The following ZFHX3 variants were observed in gnomAD, a reference collection of about 807,000 sequenced individuals.
The protein encoded by ZFHX3 is zinc finger homeobox 3.
ZFHX3 carries 42 observed loss-of-function variants against 279.1 expected under a neutral mutation model. That is an observed-to-expected ratio of 0.15 (90% CI 0.12 to 0.19). The LOEUF (loss-of-function observed/expected upper bound fraction) is 0.19, where lower values mean the gene tolerates loss of function less well. Among genes scored for constraint, ZFHX3 ranks in the 10% least tolerant of loss-of-function variants. The probability of loss-of-function intolerance (pLI) is 1.00; values close to 1 mark genes in which losing one functional copy is unlikely to be tolerated. For synonymous variants in ZFHX3, 2,293 were observed against 1,957.8 expected (o/e 1.17, Z -4.52); for missense variants, 4,981 against 4,754.0 (o/e 1.05, Z -1.40).
intron 1 of ZFHX3, among the ~76,000 whole-genome samples, chr16:73,687,786 T>C (rs2053104829): frequency 7.7e-6 from 1 of 130,528 alleles, no homozygotes; most frequent in Non-Finnish European, 1.6e-5. Flanking sequence ...AGGCAGAGGT[T>C]GCAGTGAGCC....
At chr16:72,870,416 A>G (rs1016303048) in intron 4 of ZFHX3, among the ~76,000 whole-genome samples, 4 of 150,826 alleles carry the variant, frequency 2.7e-5, no homozygotes, top group African/African-American at 9.8e-5. Context: ...AAAAGAAAAA[A>G]GAAAAAAAAA....
At chr16:73,791,645 G>A (rs1357160401) in intron 1 of ZFHX3, among the ~76,000 whole-genome samples, 7 of 150,980 alleles carry the variant, frequency 4.6e-5, no homozygotes, top group African/African-American at 1.2e-4. Flanking sequence ...GGATGGTCTC[G>A]ATCTCCTGAC....
At chr16:73,557,384 C>T (rs946174990) in intron 2 of ZFHX3, among the ~76,000 whole-genome samples, 1 of 152,068 alleles carries the variant, frequency 6.6e-6, no homozygotes, top group Non-Finnish European at 1.5e-5. Context: ...GGATCTCACA[C>T]AAGAAAGAAT....
chr16:73,253,664 C>G (rs926752745), intron 5 of ZFHX3, among the ~76,000 whole-genome samples: 3 of 151,808 alleles, frequency 2.0e-5, no homozygotes, highest in African/African-American at 7.3e-5. Context: ...ACCGGGTTAA[C>G]TAGGATGGTC....
intron 3 of ZFHX3, among the ~76,000 whole-genome samples, chr16:73,408,816 G>T (rs1303317990): frequency 6.6e-6 from 1 of 151,942 alleles, no homozygotes; most frequent in Non-Finnish European, 1.5e-5. Context: ...CAGGTGTTTG[G>T]TCCTCTCCCA....
intron 2 of ZFHX3, among the ~76,000 whole-genome samples, chr16:73,656,755 G>C (rs1412987365): frequency 6.6e-6 from 1 of 152,138 alleles, no homozygotes; most frequent in Non-Finnish European, 1.5e-5. Flanking sequence ...ATTTAAACAA[G>C]AAAGACTTAG....
intron 5 of ZFHX3, among the ~76,000 whole-genome samples, chr16:73,198,160 A>G (rs549440272): frequency 6.6e-6 from 1 of 151,846 alleles, no homozygotes; most frequent in South Asian, 2.1e-4. Context: ...GATGGTCTCC[A>G]TCTTCTGACC....
intron 1 of ZFHX3, among the ~76,000 whole-genome samples, chr16:73,800,865 G>A (rs1218890054): frequency 1.3e-5 from 2 of 152,294 alleles, no homozygotes; most frequent in African/African-American, 4.8e-5. Context: ...ACGGGGAAGG[G>A]ACACTCTGCT....
intron 8 of ZFHX3, among the ~76,000 whole-genome samples, chr16:73,073,669 T>C (rs1774376660): frequency 6.6e-6 from 1 of 152,144 alleles, no homozygotes; most frequent in Admixed American, 6.5e-5. Flanking sequence ...CAGCTAATTT[T>C]TGTATTTTTA....
intron 1 of ZFHX3, among the ~76,000 whole-genome samples, chr16:73,764,583 T>C (rs2053907950): frequency 6.6e-6 from 1 of 151,914 alleles, no homozygotes; most frequent in African/African-American, 2.4e-5. Flanking sequence ...AAACAGCCAA[T>C]ACAAAAGGGA....
chr16:73,140,783 G>C (rs1966845843), intron 6 of ZFHX3, among the ~76,000 whole-genome samples: 1 of 152,182 alleles, frequency 6.6e-6, no homozygotes, highest in Non-Finnish European at 1.5e-5. Context: ...GAACCCGGGA[G>C]GTGGAGGTTG....
chr16:73,339,999 G>T (rs1597291760), intron 3 of ZFHX3, among the ~76,000 whole-genome samples: 1 of 152,220 alleles, frequency 6.6e-6, no homozygotes. Context: ...CCAGAAAGCA[G>T]CAGCCACATT....
intron 1 of ZFHX3, among the ~76,000 whole-genome samples, chr16:73,867,985 T>A (rs1428772555): frequency 6.6e-6 from 1 of 152,198 alleles, no homozygotes; most frequent in Non-Finnish European, 1.5e-5. Context: ...TCCCTAGCGC[T>A]GGGTGCCAGG....
intron 4 of ZFHX3, among the ~76,000 whole-genome samples, chr16:73,275,520 A>C (rs1322571829): frequency 1.3e-5 from 2 of 152,166 alleles, no homozygotes; most frequent in African/African-American, 4.8e-5. Flanking sequence ...ATCCCCATGC[A>C]TAATCAAGAC....
chr16:73,556,870 C>T (rs1342828948), intron 2 of ZFHX3, among the ~76,000 whole-genome samples: 2 of 151,848 alleles, frequency 1.3e-5, no homozygotes, highest in African/African-American at 4.8e-5. Context: ...CCGAGACAGG[C>T]AGATCACGAG....
intron 3 of ZFHX3, among the ~76,000 whole-genome samples, chr16:73,337,069 T>A (rs370842281): frequency 6.6e-6 from 1 of 152,234 alleles, no homozygotes; most frequent in East Asian, 1.9e-4. Flanking sequence ...TTTACAACTT[T>A]CCCCTAAAAG....
intron 4 of ZFHX3, among the ~76,000 whole-genome samples, chr16:73,281,855 A>C (rs1289557118): frequency 6.6e-6 from 1 of 152,228 alleles, no homozygotes; most frequent in Non-Finnish European, 1.5e-5. Context: ...TAATCAGAGA[A>C]TATAAATATG....
chr16:72,793,801 G>A lies in ZFHX3; in HGVS notation c.8881C>T (p.Leu2961Phe). Residue 2961 changes from leucine to phenylalanine, a missense_variant, in exon 9 of 10, where the codon CTC (leucine) becomes TTC (phenylalanine). By Grantham distance (22) the Leu-to-Phe change is conservative. This residue lies in a region of ZFHX3 where 168 missense variants were observed against 249.1 expected (regional missense o/e 0.67). Coordinates refer to ENST00000268489, the MANE Select transcript of ZFHX3 (RefSeq NM_006885.4). This position sits in a 1 kb window ranked among gnomAD's most constrained non-coding sequence, Gnocchi z 4.3. Reference sequence around the variant, plus strand: ...CTGTAGTCATTAAAGCATGACTTGAGGACCTTCAGCTGCAGATTGGTCATT... The same window carrying A: ...CTGTAGTCATTAAAGCATGACTTGAAGACCTTCAGCTGCAGATTGGTCATT... ...TQMTNLQLKVLKSCFNDYRTP... is the reference protein window; with the variant it reads ...TQMTNLQLKVFKSCFNDYRTP... 1 of 1,614,158 alleles carries A rather than the reference G, an allele frequency of 6.2e-7. No homozygotes were observed. The highest frequency in any genetic ancestry group is 8.5e-7 in the Non-Finnish European group (1 of 1,180,036).
intron 5 of ZFHX3, among the ~76,000 whole-genome samples, chr16:73,178,553 T>G (rs757638170): frequency 3.9e-5 from 6 of 152,220 alleles, no homozygotes; most frequent in Admixed American, 2.0e-4. Flanking sequence ...TATGGCATGA[T>G]TCCCCAGTCC....
Sources: gnomAD v4.1 joint callset for allele counts (sites outside exome capture counted in the v4.1 genomes callset) on GRCh38, gnomAD v4.1.1 for gene constraint, gnomAD v4.1.1 regional missense constraint, Gnocchi (gnomAD v3.1) non-coding constraint, MANE v1.5 for transcripts, NCBI Gene and HGNC (gene_info 2026-07-23, HGNC 2026-07-21) for gene names.